Variants in TET2 observed in about 807,000 individuals in gnomAD.
TET2 encodes methylcytosine dioxygenase TET2.
Under a neutral mutation model 142.9 loss-of-function variants are expected in TET2, and 299 were observed. The ratio of observed to expected loss-of-function variants is 2.09; its 90% CI spans 1.90 to 2.30. The LOEUF is 2.30. TET2 is among the 30% of genes most tolerant of loss of function. TET2 has a pLI of 0.00. For synonymous variants in TET2, 819 were observed against 849.0 expected, an observed-to-expected ratio of 0.96 and a Z score of 0.61; for missense variants, 2,418 against 2,378.0, an observed-to-expected ratio of 1.02 and a Z score of -0.35.
intron 3 of TET2, chr4:105,238,838 A>G (rs186865609): frequency 6.3e-5 from 15 of 239,354 alleles, no homozygotes; most frequent in Non-Finnish European, 1.3e-4. Flanking sequence ...AAGGCTTTCA[A>G]TGTACTTTGC....
In TET2 at chr4:105,225,878, T is replaced by C. The variant is rs139002699; in HGVS notation, c.-46-8019T>C. On this transcript the variant is annotated intron_variant, in intron 2 of 10. Transcript: ENST00000380013. ...AGAAAAATCATCAGCAGTCCAGCAT[T>C]GCAAAGATAATCTGGGAAGGTGGCA... Among the ~76,000 whole-genome samples, 344 of 152,286 alleles carry C rather than the reference T, an allele frequency of 2.3e-3. 2 individuals carry two copies. Among genetic ancestry groups the C allele is most frequent in the African/African-American group, 7.8e-3 (325 of 41,580 alleles).
Position 105,241,385 on chromosome 4 carries a change from AGCAG to A in TET2, c.3458_3461del (p.Ala1153ValfsTer72). On this transcript the variant is annotated frameshift_variant, in exon 4 of 11. Transcript: ENST00000380013. LOFTEE classifies it high-confidence loss of function. ...AAGGTCCTTTTTATACCCATCTAGG[AGCAG>A]GTCCTAATGTGGCAGCTATTAGAGA... 6.4e-7 allele frequency: 1 copy of A among 1,550,862 alleles called. No individual in the cohort carries two copies. Among genetic ancestry groups the A allele is most frequent in the Non-Finnish European group, 8.7e-7 (1 of 1,146,764 alleles).
chr4:105,186,936 T>C (rs1390026851), intron 1 of TET2, among the ~76,000 whole-genome samples: 1 of 152,226 alleles, frequency 6.6e-6, no homozygotes, highest in Non-Finnish European at 1.5e-5. Flanking sequence ...CAAGAGACTA[T>C]TCTATTTGTT....
intron 8 of TET2, among the ~76,000 whole-genome samples, chr4:105,267,231 T>C (rs961837942): frequency 3.9e-5 from 6 of 151,946 alleles, no homozygotes; most frequent in Non-Finnish European, 8.8e-5. Context: ...AAACTAGCAC[T>C]TTAAAAATGT....
At position 105,190,496 on chromosome 4, in the gene TET2, T is replaced by C. The variant is rs555994281; in HGVS notation, c.-56T>C. ...TGATCCAGGAAGAGCAGTAAGGGAC[T>C]GAGCTGCTGGTAAGACAGTGGAGAC... On this transcript the variant is annotated 5_prime_UTR_variant, in exon 2 of 11. Transcript: ENST00000380013. The C allele has an allele frequency of 4.3e-6, 3 of 702,176 alleles. No homozygotes were observed. The East Asian group carries it at 8.0e-5, about 19-fold the overall frequency. The allele number at this position is 702,176 out of a possible 1,614,324, so 43.5% of individuals were successfully genotyped here.
Position 105,209,048 on chromosome 4 carries a change from G to GGT in TET2, c.-47+18544_-47+18545dup, listed in dbSNP as rs1159203867. Among the ~76,000 whole-genome samples the GGT allele has an allele frequency of 2.8e-3, 67 of 23,742 alleles. 2 individuals carry two copies. Among genetic ancestry groups the GGT allele is most frequent in the Non-Finnish European group, 4.1e-3 (46 of 11,148 alleles). The allele number at this position is 23,742 out of a possible 152,430, so 15.6% of individuals were successfully genotyped here. On this transcript the variant is annotated intron_variant, in intron 2 of 10. Transcript: ENST00000380013. ...AAATGAAATAGATGCCTCAAGGCAT[G>GGT]GTATATATATATATATATATATATA... is the stretch of plus-strand genomic sequence containing the variant.
chr4:105,184,611 G>GT (rs1725316996), intron 1 of TET2, among the ~76,000 whole-genome samples: 2 of 152,236 alleles, frequency 1.3e-5, no homozygotes, highest in South Asian at 4.1e-4. Context: ...TACTGTAGTG[G>GT]TTTTTTAAAG....
intron 6 of TET2, 67 bp from the exon 7 acceptor site, chr4:105,259,552 A>G (rs1168333820): frequency 6.2e-6 from 9 of 1,462,836 alleles, no homozygotes; most frequent in African/African-American, 1.4e-5. Context: ...ATAGACACCT[A>G]TAATATCAGC....
chr4:105,267,668 T>G (rs917536944), intron 8 of TET2, among the ~76,000 whole-genome samples: 1 of 151,694 alleles, frequency 6.6e-6, no homozygotes, highest in African/African-American at 2.4e-5. Flanking sequence ...AATAGCAAGA[T>G]GGTTTATTTA....
chr4:105,159,506 C>T (rs552130086), intron 1 of TET2, among the ~76,000 whole-genome samples: 1 of 152,192 alleles, frequency 6.6e-6, no homozygotes, highest in East Asian at 1.9e-4. Context: ...CCGCTTGCTT[C>T]GGCCCCCCAA....
chr4:105,172,352 T>C (rs1027333854), intron 1 of TET2: 6 of 152,116 alleles, frequency 3.9e-5, no homozygotes, highest in African/African-American at 1.4e-4. Flanking sequence ...ATTCTTACAA[T>C]AAACTAAGCT....
intron 8 of TET2, among the ~76,000 whole-genome samples, chr4:105,268,043 A>G (rs918361232): frequency 2.0e-5 from 3 of 152,156 alleles, no homozygotes; most frequent in African/African-American, 7.2e-5. Flanking sequence ...TCCATTTTTA[A>G]CCAACTGCTT....
At chr4:105,213,596 C>G (rs554638874) in intron 2 of TET2, among the ~76,000 whole-genome samples, 1 of 152,290 alleles carries the variant, frequency 6.6e-6, no homozygotes, top group South Asian at 2.1e-4. Flanking sequence ...TTTTCTCAAG[C>G]ATTTCCCTTT....
At chr4:105,152,134 G>A (rs979043884) in intron 1 of TET2, among the ~76,000 whole-genome samples, 1 of 152,102 alleles carries the variant, frequency 6.6e-6, no homozygotes, top group African/African-American at 2.4e-5. Context: ...AAAATTAGCT[G>A]GGTGTGGTGG....
intron 1 of TET2, among the ~76,000 whole-genome samples, chr4:105,159,251 C>CTTTTTTT (rs779676545): frequency 1.5e-5 from 2 of 134,586 alleles, no homozygotes; most frequent in Non-Finnish European, 3.2e-5. Flanking sequence ...TTCTTTCTTT[C>CTTTTTTT]TTTTTTTTTT....
chr4:105,190,298 C>A, intron 1 of TET2, 62 bp from the exon 2 acceptor site: 1 of 554,200 alleles, frequency 1.8e-6, no homozygotes, highest in Middle Eastern at 2.7e-4. Flanking sequence ...CTCTTTATAT[C>A]AGGTGTATAT....
At chr4:105,184,324 C>G (rs547375908) in intron 1 of TET2, among the ~76,000 whole-genome samples, 1 of 152,236 alleles carries the variant, frequency 6.6e-6, no homozygotes, top group East Asian at 1.9e-4. Context: ...CTCTCATGTT[C>G]CAGTGTTTGG....
At position 105,236,280 on chromosome 4, in the gene TET2, A is replaced by G; in HGVS notation, c.2338A>G (p.Lys780Glu). Reference protein sequence around the residue: ...QREGSFFGQTKVEECFHGENQ... With the variant: ...QREGSFFGQTEVEECFHGENQ... Reference sequence around the variant, plus strand: ...AGAAGGATCATTCTTTGGCCAGACTAAAGTGGAAGAATGTTTTCATGGTGA... The same window carrying G: ...AGAAGGATCATTCTTTGGCCAGACTGAAGTGGAAGAATGTTTTCATGGTGA... The change falls in exon 3 of 11, where the codon AAA becomes GAA. Residue 780 changes from lysine (K) to glutamate (E), a missense_variant. By Grantham distance (56) the Lys-to-Glu change is moderately conservative. Coordinates refer to ENST00000380013, the MANE Select transcript of TET2 (RefSeq NM_001127208.3). 6.2e-7 allele frequency: 1 copy of G among 1,614,114 alleles called. No individual in the cohort carries two copies. The highest frequency in any genetic ancestry group is 8.5e-7 in the Non-Finnish European group (1 of 1,180,012).
chr4:105,274,440 T>C (rs527882671), intron 10 of TET2, among the ~76,000 whole-genome samples: 3 of 152,348 alleles, frequency 2.0e-5, no homozygotes, highest in African/African-American at 7.2e-5. Flanking sequence ...ATACGTGTCA[T>C]TCTTTTTTTT....
Sources: gnomAD v4.1 joint callset for allele counts (sites outside exome capture counted in the v4.1 genomes callset) on GRCh38, gnomAD v4.1.1 for gene constraint, MANE v1.5 for transcripts, NCBI Gene and HGNC (gene_info 2026-07-23, HGNC 2026-07-21) for gene names.